Variants in CEP112 observed in about 807,000 individuals in gnomAD.
CEP112 encodes centrosomal protein of 112 kDa.
CEP112 carries 127 observed loss-of-function variants against 153.0 expected under a neutral mutation model. The ratio of observed to expected loss-of-function variants is 0.83; its 90% CI spans 0.72 to 0.96. The LOEUF is 0.96. Among genes scored for constraint, CEP112 ranks in the 40% least tolerant of loss-of-function variants. CEP112 has a pLI of 0.00. For missense variants in CEP112, 1,089 were observed against 1,101.2 expected, an observed-to-expected ratio of 0.99 and a Z score of 0.16; for synonymous variants, 358 against 374.4, an observed-to-expected ratio of 0.96 and a Z score of 0.51.
intron 6 of CEP112, among the ~76,000 whole-genome samples, chr17:66,099,504 C>A (rs1391404962): frequency 3.0e-3 from 346 of 113,664 alleles, no homozygotes; most frequent in South Asian, 5.9e-3. Context: ...AACTCTGTCT[C>A]AAAAAAAAAA....
At chr17:66,090,369 ATTTC>A (rs1911353996) in intron 8 of CEP112, among the ~76,000 whole-genome samples, 1 of 152,082 alleles carries the variant, frequency 6.6e-6, no homozygotes, top group African/African-American at 2.4e-5. Flanking sequence ...AGCCACAATA[ATTTC>A]TTTCTATACA....
intron 23 of CEP112, among the ~76,000 whole-genome samples, chr17:65,699,069 G>T (rs971832834): frequency 6.6e-6 from 1 of 152,120 alleles, no homozygotes; most frequent in Non-Finnish European, 1.5e-5. Flanking sequence ...TTCAAATACA[G>T]ATTAAACTAT....
chr17:65,752,065 T>TC (rs756613948), intron 21 of CEP112, among the ~76,000 whole-genome samples: 1 of 142,798 alleles, frequency 7.0e-6, no homozygotes, highest in Non-Finnish European at 1.5e-5. Flanking sequence ...CATCCATCCA[T>TC]CATCTGTCTA....
At chr17:66,143,823 A>C (rs533770536) in intron 4 of CEP112, among the ~76,000 whole-genome samples, 1 of 152,312 alleles carries the variant, frequency 6.6e-6, no homozygotes, top group East Asian at 1.9e-4. Flanking sequence ...GCCATGAAGA[A>C]CCACTCCCAA....
At chr17:66,002,035 C>A (rs1280805133) in intron 17 of CEP112, among the ~76,000 whole-genome samples, 1 of 152,166 alleles carries the variant, frequency 6.6e-6, no homozygotes, top group Non-Finnish European at 1.5e-5. Context: ...AAGGCAACAA[C>A]ATTAAACTAG....
intron 18 of CEP112, among the ~76,000 whole-genome samples, chr17:65,952,407 T>G (rs148095710): frequency 3.3e-5 from 5 of 152,160 alleles, no homozygotes; most frequent in Non-Finnish European, 7.4e-5. Context: ...ATTCTTTCAT[T>G]CAGCAGGATT....
At chr17:65,668,601 G>T (rs1266026436) in intron 24 of CEP112, among the ~76,000 whole-genome samples, 1 of 152,152 alleles carries the variant, frequency 6.6e-6, no homozygotes, top group Non-Finnish European at 1.5e-5. Flanking sequence ...ACATTCCTGT[G>T]ATCACACAAG....
intron 21 of CEP112, among the ~76,000 whole-genome samples, chr17:65,838,740 C>T (rs530356393): frequency 2.0e-5 from 3 of 151,812 alleles, no homozygotes; most frequent in Middle Eastern, 3.4e-3. Context: ...CAAAAACTGG[C>T]AAACCTTTAG....
intron 21 of CEP112, among the ~76,000 whole-genome samples, chr17:65,816,424 T>C (rs986956881): frequency 6.6e-6 from 1 of 151,840 alleles, no homozygotes; most frequent in Non-Finnish European, 1.5e-5. Context: ...TTGTAGTCTT[T>C]TATCCCCCAC....
chr17:65,685,675 T>TTC (rs2047745237), intron 24 of CEP112, among the ~76,000 whole-genome samples: 1 of 145,050 alleles, frequency 6.9e-6, no homozygotes, highest in Non-Finnish European at 1.5e-5. Context: ...TAATTTTTTT[T>TTC]TTTTTTTTTT....
chr17:65,944,877 C>G (rs2061605190), intron 18 of CEP112, among the ~76,000 whole-genome samples: 1 of 152,072 alleles, frequency 6.6e-6, no homozygotes, highest in Non-Finnish European at 1.5e-5. Flanking sequence ...CACGCCTGGC[C>G]AAAACACTTT....
intron 21 of CEP112, among the ~76,000 whole-genome samples, chr17:65,799,031 C>T (rs970686893): frequency 1.7e-4 from 26 of 152,154 alleles, no homozygotes; most frequent in Admixed American, 6.6e-5. Flanking sequence ...AGGTATAATA[C>T]ACATATTTTA....
intron 12 of CEP112, among the ~76,000 whole-genome samples, chr17:66,044,153 C>T (rs942374423): frequency 1.3e-5 from 2 of 152,056 alleles, no homozygotes; most frequent in Admixed American, 6.5e-5. Context: ...CAAAGCATGA[C>T]TTTTCTTTTT....
rs200479917 is a variant in CEP112, at chr17:66,176,960, C to T, written c.167G>A (p.Gly56Glu). 2 of 1,613,872 alleles carry T rather than the reference C, an allele frequency of 1.2e-6. No individual in the cohort carries two copies. The highest frequency in any genetic ancestry group is 1.7e-6 in the Non-Finnish European group (2 of 1,179,858). The change falls in exon 3 of 27, where the codon GGA (glycine) becomes GAA (glutamate). Residue 56 changes from glycine (G) to glutamate (E), a missense_variant. Transcript: ENST00000535342. The stretch of plus-strand genomic sequence containing the variant: ...GTTCCGATTCTTCCTCCCCATTATT[C>T]CTGCACCTGTTCCTGAAGGTTCGCA... ...KLCEPSGTGAGIMGRKNRNLY... is the reference protein window; with the variant it reads ...KLCEPSGTGAEIMGRKNRNLY...
chr17:66,129,773 T>C lies in CEP112; in HGVS notation c.615A>G (p.Glu205=). Residue 205 remains glutamate (E), a synonymous_variant, in exon 6 of 27, where the codon GAA becomes GAG. Transcript: ENST00000535342. The part of the protein sequence containing the change: ...SPVSLDDSDI[E]ARLNSWNLGI... ...CAAGATTCCAACTATTAAGGCGAGC[T>C]TCAATGTCACTATCATCCAAAGAAA... 2 of 1,612,446 alleles carry C rather than the reference T, an allele frequency of 1.2e-6. No individual in the cohort carries two copies. The highest frequency in any genetic ancestry group is 2.2e-5 in the South Asian group (2 of 90,804).
intron 24 of CEP112, among the ~76,000 whole-genome samples, chr17:65,665,371 G>A (rs955511308): frequency 5.3e-5 from 8 of 152,184 alleles, no homozygotes; most frequent in Admixed American, 1.3e-4. Flanking sequence ...GGGCCTCAAG[G>A]CCAACTCAAG....
At chr17:66,116,895 T>G (rs1447744234) in intron 6 of CEP112, among the ~76,000 whole-genome samples, 2 of 139,938 alleles carry the variant, frequency 1.4e-5, no homozygotes, top group African/African-American at 5.3e-5. Context: ...TGAGACGGAG[T>G]CTCGCTCTGT....
intron 25 of CEP112, among the ~76,000 whole-genome samples, chr17:65,640,154 A>ATTTTTTTTTT (rs529025836): frequency 8.9e-5 from 7 of 78,336 alleles, no homozygotes; most frequent in Non-Finnish European, 1.3e-4. Context: ...ATATATATAT[A>ATTTTTTTTTT]TTTTTTTTTT....
rs113929808 is a variant in CEP112 at position 66,101,115 on chromosome 17, A to G, written c.643-4483T>C. Among the ~76,000 whole-genome samples the G allele has an allele frequency of 6.3e-3, 962 of 152,248 alleles. 11 individuals are homozygous for G. Among genetic ancestry groups the G allele is most frequent in the African/African-American group, 0.022 (913 of 41,580 alleles). ...TATAAAAGTCCAAATATTAAACTTT[A>G]CGAATATTTTTTAAAAATTCTCTGG... is the stretch of plus-strand genomic sequence containing the variant. On this transcript the variant is annotated intron_variant, in intron 6 of 26. Transcript: ENST00000535342.
Sources: gnomAD v4.1 joint callset for allele counts (sites outside exome capture counted in the v4.1 genomes callset) on GRCh38, gnomAD v4.1.1 for gene constraint, MANE v1.5 for transcripts, NCBI Gene and HGNC (gene_info 2026-07-23, HGNC 2026-07-21) for gene names.